Variants in CLHC1 observed in about 807,000 individuals in gnomAD.
The protein encoded by CLHC1 is clathrin heavy chain linker domain containing 1, also known as clathrin heavy chain linker domain-containing protein 1.
In CLHC1, 72 loss-of-function variants were observed where a neutral mutation model predicts 69.5. That is an observed-to-expected ratio of 1.04 (90% CI 0.86 to 1.26). The LOEUF (loss-of-function observed/expected upper bound fraction) is 1.26, where lower values mean the gene tolerates loss of function less well. Among genes scored for constraint, CLHC1 ranks in the 50% most tolerant of loss-of-function variants. The pLI is 0.00. For missense variants in CLHC1, 790 were observed against 679.3 expected (o/e 1.16, Z -1.81); for synonymous variants, 223 against 224.3 (o/e 0.99, Z 0.05).
intron 12 of CLHC1, among the ~76,000 whole-genome samples, chr2:55,176,883 C>G (rs932310394): frequency 3.5e-4 from 53 of 152,108 alleles, no homozygotes; most frequent in African/African-American, 1.1e-3. Flanking sequence ...TAATTATTCT[C>G]TCTCTCATTT....
chr2:55,220,881 T>C (rs1035321809), intron 3 of CLHC1, among the ~76,000 whole-genome samples: 2 of 152,222 alleles, frequency 1.3e-5, no homozygotes, highest in African/African-American at 2.4e-5. Context: ...AGCAATATCA[T>C]TGATCCTAAC....
At chr2:55,212,840 A>T in intron 4 of CLHC1, 34 bp from the exon 5 acceptor site, 1 of 1,506,058 alleles carries the variant, frequency 6.6e-7, no homozygotes, top group South Asian at 1.1e-5. Context: ...ATGTCTTTCA[A>T]CTAACTTAAT....
At chr2:55,199,296 C>CAAAAAAA (rs57570449) in intron 9 of CLHC1, among the ~76,000 whole-genome samples, 36 of 70,928 alleles carry the variant, frequency 5.1e-4, no homozygotes, top group African/African-American at 6.7e-4. Flanking sequence ...GACTCCATCT[C>CAAAAAAA]AAAAAAAAAA....
chr2:55,206,417 A>G (rs1325548559), intron 8 of CLHC1, 41 bp from the exon 9 acceptor site: 2 of 1,092,128 alleles, frequency 1.8e-6, no homozygotes, highest in Non-Finnish European at 2.8e-6. Context: ...AATGACACAA[A>G]GAAAAAGAGA....
At chr2:55,207,606 T>C (rs1672571978) in intron 8 of CLHC1, among the ~76,000 whole-genome samples, 1 of 152,200 alleles carries the variant, frequency 6.6e-6, no homozygotes, top group South Asian at 2.1e-4. Flanking sequence ...CATATGTTCA[T>C]TACAGATAAG....
chr2:55,226,619 T>A (rs747086320), intron 2 of CLHC1, among the ~76,000 whole-genome samples: 3 of 152,138 alleles, frequency 2.0e-5, no homozygotes, highest in Non-Finnish European at 2.9e-5. Flanking sequence ...ATTCCCCCAT[T>A]GTCAGATATT....
At chr2:55,230,322 A>T (rs77983656) in intron 1 of CLHC1, among the ~76,000 whole-genome samples, 3 of 152,314 alleles carry the variant, frequency 2.0e-5, no homozygotes, top group South Asian at 4.1e-4. Flanking sequence ...ATAATCATAA[A>T]GTTTTTGGCC....
intron 2 of CLHC1, among the ~76,000 whole-genome samples, chr2:55,226,068 T>G (rs1573792901): frequency 6.6e-6 from 1 of 151,886 alleles, no homozygotes; most frequent in Admixed American, 6.6e-5. Context: ...GGCGGGCGCC[T>G]GTAGTCCCAG....
chr2:55,193,278 C>A lies in CLHC1; in HGVS notation c.1007-11534G>T, dbSNP rs1471206426. Among the ~76,000 whole-genome samples the A allele has an allele frequency of 2.0e-5, 3 of 151,812 alleles. No homozygotes were observed. The East Asian group carries it at 5.8e-4, about 29-fold the overall frequency. On this transcript the variant is annotated intron_variant, in intron 9 of 12. Coordinates refer to ENST00000401408, the MANE Select transcript of CLHC1 (RefSeq NM_152385.4). ...TAAAAGAGAAAATTCATAAGTGGAACTTATCAAAATTAAAAACTTTTAACT... is the reference window on the plus strand; with the variant it reads ...TAAAAGAGAAAATTCATAAGTGGAAATTATCAAAATTAAAAACTTTTAACT...
intron 9 of CLHC1, among the ~76,000 whole-genome samples, chr2:55,193,174 G>A (rs879709305): frequency 6.6e-6 from 1 of 152,102 alleles, no homozygotes; most frequent in Non-Finnish European, 1.5e-5. Context: ...TTATAGGCGT[G>A]AACCACCGCG....
chr2:55,190,345 C>T lies in CLHC1; in HGVS notation c.1007-8601G>A, dbSNP rs527610228. ...TACAGGCATGAGCCACCATGCCCAG[C>T]CTAAAATTCTTAATGTCTTGCATCC... On this transcript the variant is annotated intron_variant, in intron 9 of 12. Coordinates refer to ENST00000401408, the MANE Select transcript of CLHC1 (RefSeq NM_152385.4). Among the ~76,000 whole-genome samples the T allele has an allele frequency of 2.0e-5, 3 of 152,028 alleles. No homozygotes were observed. The South Asian group carries it at 6.2e-4, about 32-fold the overall frequency.
At chr2:55,215,880 G>T (rs1436405412) in intron 4 of CLHC1, 1 of 151,996 alleles carries the variant, frequency 6.6e-6, no homozygotes, top group African/African-American at 2.4e-5. Context: ...AATGTATTAG[G>T]TAGTATTTTT....
intron 9 of CLHC1, among the ~76,000 whole-genome samples, chr2:55,202,681 G>T (rs932729091): frequency 3.3e-5 from 5 of 152,036 alleles, no homozygotes; most frequent in African/African-American, 7.2e-5. Context: ...CTGATCACTT[G>T]AGGTCAGGAG....
At chr2:55,201,457 A>G (rs1045686891) in intron 9 of CLHC1, among the ~76,000 whole-genome samples, 3 of 152,166 alleles carry the variant, frequency 2.0e-5, no homozygotes, top group African/African-American at 7.2e-5. Context: ...CAACCCACCA[A>G]TATTGAACCA....
intron 3 of CLHC1, among the ~76,000 whole-genome samples, chr2:55,221,833 C>T (rs1674150699): frequency 6.6e-6 from 1 of 152,050 alleles, no homozygotes. Context: ...AAAAATTAGT[C>T]AGGAGTGGTG....
intron 2 of CLHC1, among the ~76,000 whole-genome samples, chr2:55,226,191 CA>C (rs11325087): frequency 0.62 from 81,842 of 131,210 alleles, 24,897 homozygotes; most frequent in African/African-American, 0.82. Flanking sequence ...GACTCCATTT[CA>C]AAAAAAAAAA....
intron 4 of CLHC1, among the ~76,000 whole-genome samples, chr2:55,213,674 G>GAAGTTTTC (rs1673220295): frequency 6.6e-6 from 1 of 152,160 alleles, no homozygotes; most frequent in Admixed American, 6.5e-5. Flanking sequence ...AGCATTATTT[G>GAAGTTTTC]AAGTTTTCTT....
At chr2:55,184,685 T>TCA (rs1408453829) in intron 9 of CLHC1, among the ~76,000 whole-genome samples, 2 of 152,014 alleles carry the variant, frequency 1.3e-5, no homozygotes, top group African/African-American at 4.8e-5. Context: ...TGCAGGTGGA[T>TCA]CACAGGGTCA....
rs976427942 is a variant in CLHC1, at chr2:55,173,257, G to C, written c.*2533C>G. Among the ~76,000 whole-genome samples the C allele has an allele frequency of 1.3e-5, 2 of 152,186 alleles. No homozygotes were observed. The highest frequency in any genetic ancestry group is 1.3e-4 in the Admixed American group (2 of 15,278). ...TGTTAAAAGGCATTTTTAGCAACTG[G>C]TGAAATTTGAATATGGACTGGCTAT... On this transcript the variant is annotated 3_prime_UTR_variant, in exon 13 of 13. Transcript: ENST00000401408.
Sources: gnomAD v4.1 joint callset for allele counts (sites outside exome capture counted in the v4.1 genomes callset) on GRCh38, gnomAD v4.1.1 for gene constraint, MANE v1.5 for transcripts, NCBI Gene and HGNC (gene_info 2026-07-23, HGNC 2026-07-21) for gene names.